FRMD5: variants seen among roughly 807,000 people sequenced by gnomAD.
FRMD5 encodes the protein FERM domain-containing protein 5.
Under a neutral mutation model 69.0 loss-of-function variants are expected in FRMD5, and 20 were observed. The observed-to-expected ratio is 0.29, with a 90% CI of 0.20 to 0.42. The LOEUF (loss-of-function observed/expected upper bound fraction) is 0.42, where lower values mean the gene tolerates loss of function less well. Among genes scored for constraint, FRMD5 ranks in the 10% least tolerant of loss-of-function variants. The probability of loss-of-function intolerance (pLI) is 1.00; values close to 1 mark genes in which losing one functional copy is unlikely to be tolerated. For synonymous variants in FRMD5, 271 were observed against 260.1 expected, an observed-to-expected ratio of 1.04 and a Z score of -0.40; for missense variants, 595 against 708.6, an observed-to-expected ratio of 0.84 and a Z score of 1.82.
upstream of FRMD5, among the ~76,000 whole-genome samples, chr15:44,199,459 G>A (rs1373377878): frequency 1.3e-5 from 2 of 152,068 alleles, no homozygotes; most frequent in African/African-American, 4.8e-5. Context: ...CCTTACCTAG[G>A]TTAGGGTCCA....
Position 43,951,279 on chromosome 15 carries a change from G to A in FRMD5, c.103-26970C>T, listed in dbSNP as rs376009438. ...ACTGAAAATACAAAAAAAATTACCCGGGCATGGTGGCGGGCACCTGTAGTC... is the reference window on the plus strand; with the variant it reads ...ACTGAAAATACAAAAAAAATTACCCAGGCATGGTGGCGGGCACCTGTAGTC... On this transcript the variant is annotated intron_variant, in intron 1 of 13. Coordinates refer to ENST00000417257, the MANE Select transcript of FRMD5 (RefSeq NM_032892.5). Among the ~76,000 whole-genome samples the A allele has an allele frequency of 1.9e-4, 29 of 151,914 alleles. No homozygotes were observed. The East Asian group carries it at 5.2e-3, about 27-fold the overall frequency.
At chr15:44,086,449 A>G (rs1894200262) in intron 1 of FRMD5, among the ~76,000 whole-genome samples, 1 of 152,200 alleles carries the variant, frequency 6.6e-6, no homozygotes, top group South Asian at 2.1e-4. Context: ...TGTTAAGTGA[A>G]AGATGCCAAA....
At chr15:44,041,999 T>C (rs1892217112) in intron 1 of FRMD5, among the ~76,000 whole-genome samples, 1 of 152,140 alleles carries the variant, frequency 6.6e-6, no homozygotes, top group Non-Finnish European at 1.5e-5. Flanking sequence ...AAGAGCTGGT[T>C]TTCTGAAAAG....
chr15:44,037,143 C>G (rs1031630288), intron 1 of FRMD5, among the ~76,000 whole-genome samples: 1 of 152,120 alleles, frequency 6.6e-6, no homozygotes, highest in Admixed American at 6.5e-5. Context: ...CCTAGCTCCC[C>G]CAACCCCCGA....
intron 1 of FRMD5, among the ~76,000 whole-genome samples, chr15:44,191,975 CAG>C (rs2078204888): frequency 7.4e-6 from 1 of 135,394 alleles, no homozygotes; most frequent in Non-Finnish European, 1.6e-5. Flanking sequence ...GAATGAAAAA[CAG>C]ATGAGTAGAC....
chr15:44,131,364 A>G (rs767633265), intron 1 of FRMD5, among the ~76,000 whole-genome samples: 14 of 149,310 alleles, frequency 9.4e-5, no homozygotes, highest in Non-Finnish European at 1.6e-4. Context: ...AAAATGATAC[A>G]GCCACTGTGG....
At position 44,140,554 on chromosome 15, in the gene FRMD5, A is replaced by T. The variant is rs554258676; in HGVS notation, c.102+54399T>A. Among the ~76,000 whole-genome samples, 18 of 152,228 alleles carry T rather than the reference A, an allele frequency of 1.2e-4. No homozygotes were observed. The East Asian group carries it at 3.5e-3, about 29-fold the overall frequency. On this transcript the variant is annotated intron_variant, in intron 1 of 13. Transcript: ENST00000417257. ...TTAAAAAAGAAATATCAAAAATGTC[A>T]TTATTTGCATGCTATCATTGCTCTC...
intron 2 of FRMD5, among the ~76,000 whole-genome samples, chr15:43,923,233 C>T (rs960053095): frequency 1.3e-5 from 2 of 152,192 alleles, no homozygotes; most frequent in African/African-American, 4.8e-5. Flanking sequence ...TAGGCCTGTG[C>T]TAGTTAAATG....
chr15:44,126,146 T>C (rs2077022168), intron 1 of FRMD5, among the ~76,000 whole-genome samples: 1 of 152,188 alleles, frequency 6.6e-6, no homozygotes, highest in African/African-American at 2.4e-5. Flanking sequence ...AGATAATCAG[T>C]ACCAGGATCA....
chr15:44,113,603 A>G (rs2076829175), intron 1 of FRMD5, among the ~76,000 whole-genome samples: 2 of 152,220 alleles, frequency 1.3e-5, no homozygotes, highest in African/African-American at 4.8e-5. Flanking sequence ...CAATTAAATT[A>G]TTATTGACTG....
At chr15:43,884,284 GT>G (rs566756442) in intron 12 of FRMD5, among the ~76,000 whole-genome samples, 6 of 152,148 alleles carry the variant, frequency 3.9e-5, no homozygotes, top group Admixed American at 1.3e-4. Flanking sequence ...TTCTTTCTGG[GT>G]CTTAGATTCT....
intron 1 of FRMD5, among the ~76,000 whole-genome samples, chr15:44,038,588 A>C (rs192727477): frequency 7.0e-6 from 1 of 142,470 alleles, no homozygotes; most frequent in East Asian, 2.1e-4. Flanking sequence ...GAACAGCTCC[A>C]GTCTGCAGCT....
At chr15:43,955,983 A>T (rs1336397905) in intron 1 of FRMD5, among the ~76,000 whole-genome samples, 2 of 152,224 alleles carry the variant, frequency 1.3e-5, no homozygotes, top group Non-Finnish European at 1.5e-5. Flanking sequence ...AACAAGGACC[A>T]CTTATAAAAT....
intron 1 of FRMD5, among the ~76,000 whole-genome samples, chr15:44,141,979 A>T (rs965630476): frequency 2.0e-5 from 3 of 152,142 alleles, no homozygotes; most frequent in Non-Finnish European, 4.4e-5. Flanking sequence ...TGCTGTCATT[A>T]AATTAGGCTT....
intron 1 of FRMD5, among the ~76,000 whole-genome samples, chr15:44,022,666 A>G (rs140198527): frequency 9.2e-5 from 14 of 151,660 alleles, no homozygotes; most frequent in Non-Finnish European, 1.8e-4. Context: ...AAAAAAGCTC[A>G]TGAGATTGCC....
intron 1 of FRMD5, among the ~76,000 whole-genome samples, chr15:43,930,548 G>A (rs565941201): frequency 5.1e-4 from 77 of 152,328 alleles, no homozygotes; most frequent in African/African-American, 1.8e-3. Flanking sequence ...CAAAGTGGAG[G>A]GAAATCAGAG....
chr15:44,033,472 A>G lies in FRMD5; in HGVS notation c.103-109163T>C, dbSNP rs148949076. On this transcript the variant is annotated intron_variant, in intron 1 of 13. Coordinates refer to ENST00000417257, the MANE Select transcript of FRMD5 (RefSeq NM_032892.5). The stretch of plus-strand genomic sequence containing the variant: ...GGCATTTCAATAAATATCCCAAATA[A>G]TAGTTTTTGTTCAAGTCTCTTTTTT... Among the ~76,000 whole-genome samples, 442 of 152,320 alleles carry G rather than the reference A, an allele frequency of 2.9e-3. 2 individuals carry two copies. The highest frequency in any genetic ancestry group is 0.01 in the African/African-American group (422 of 41,578).
chr15:44,132,793 T>C (rs769434800), intron 1 of FRMD5, among the ~76,000 whole-genome samples: 4 of 151,630 alleles, frequency 2.6e-5, no homozygotes, highest in Admixed American at 2.6e-4. Flanking sequence ...AGTCTCGCCC[T>C]GTTGCCCAGG....
chr15:43,950,581 C>G (rs1258209214), intron 1 of FRMD5, among the ~76,000 whole-genome samples: 1 of 152,170 alleles, frequency 6.6e-6, no homozygotes, highest in Middle Eastern at 3.2e-3. Flanking sequence ...CCTCTCTTAA[C>G]CTCAGTTTCA....
Sources: allele counts gnomAD v4.1 joint callset (sites outside exome capture counted in the v4.1 genomes callset), GRCh38; gene constraint gnomAD v4.1.1; transcripts MANE v1.5; gene names NCBI Gene and HGNC (gene_info 2026-07-23, HGNC 2026-07-21).